Variants in TCP11L2 observed in about 807,000 individuals in gnomAD.
TCP11L2 encodes the protein T-complex protein 11-like protein 2.
Under a neutral mutation model 50.7 loss-of-function variants are expected in TCP11L2, and 39 were observed. The observed-to-expected ratio is 0.77, with a 90% CI of 0.60 to 1.01. The LOEUF (loss-of-function observed/expected upper bound fraction) is 1.01, where lower values mean the gene tolerates loss of function less well. Among genes scored for constraint, TCP11L2 ranks in the 50% least tolerant of loss-of-function variants. The pLI, the probability that TCP11L2 is intolerant of heterozygous loss-of-function variation, is 0.00. For synonymous variants in TCP11L2, 192 were observed against 219.3 expected, an observed-to-expected ratio of 0.88 and a Z score of 1.10; for missense variants, 612 against 614.7, an observed-to-expected ratio of 1.00 and a Z score of 0.05.
Position 106,314,395 on chromosome 12 carries a change from G to A in TCP11L2, c.195G>A (p.Val65=). The A allele has an allele frequency of 1.9e-6, 3 of 1,612,918 alleles. No individual in the cohort carries two copies. The highest frequency in any genetic ancestry group is 1.3e-5 in the African/African-American group (1 of 75,030). Residue 65 remains valine (V), a synonymous_variant, in exon 3 of 10, where the codon GTG becomes GTA. Transcript: ENST00000299045. ...CAAGGGTTGTAACATTTGATGAAGTGATGGCTACAGCAAGGAACTTATCAA... is the reference window on the plus strand; with the variant it reads ...CAAGGGTTGTAACATTTGATGAAGTAATGGCTACAGCAAGGAACTTATCAA... The part of the protein sequence containing the change: ...SPPRVVTFDE[V]MATARNLSNL...
intron 2 of TCP11L2, chr12:106,312,256 CATTTTTTTT>C: frequency 8.9e-5 from 28 of 313,148 alleles, no homozygotes; most frequent in Non-Finnish European, 1.1e-4. Flanking sequence ...ATTTAGTTTC[CATTTTTTTT>C]TTTTTTTTTT....
At chr12:106,313,667 A>G (rs1427095271) in intron 2 of TCP11L2, among the ~76,000 whole-genome samples, 1 of 151,576 alleles carries the variant, frequency 6.6e-6, no homozygotes. Flanking sequence ...ACTTAATGAG[A>G]CTTCTGAATT....
chr12:106,336,335 T>C, intron 8 of TCP11L2, 122 bp downstream of exon 8: 2 of 858,414 alleles, frequency 2.3e-6, no homozygotes, highest in Non-Finnish European at 3.4e-6. Context: ...GAGAAGCTTA[T>C]CTTACACCTT....
intron 3 of TCP11L2, among the ~76,000 whole-genome samples, chr12:106,315,096 A>G (rs1168461730): frequency 3.3e-5 from 5 of 151,768 alleles, no homozygotes; most frequent in Admixed American, 2.6e-4. Flanking sequence ...TTAGCCGGCC[A>G]TGGTGGTGGG....
In TCP11L2 at chr12:106,310,980, C is replaced by T. The variant is rs1229333461; in HGVS notation, c.-35-61C>T. 5.7e-6 allele frequency: 8 copies of T among 1,411,560 alleles called. No individual in the cohort carries two copies. In the Admixed American group the frequency reaches 1.5e-4, roughly 26 times the overall value. 87.4% of individuals were successfully genotyped at this position (1,411,560 alleles called of 1,614,324 possible). ...GGACAGTTGTCTACACTGGAAGAAG[C>T]ATTGGTGGTGCCTGTGGAAGTACCA... On this transcript the variant is annotated intron_variant, in intron 1 of 9. Transcript: ENST00000299045.
At chr12:106,331,460 T>C (rs2136773610) in intron 6 of TCP11L2, among the ~76,000 whole-genome samples, 1 of 152,320 alleles carries the variant, frequency 6.6e-6, no homozygotes, top group Non-Finnish European at 1.5e-5. Context: ...AGGCAGCTGT[T>C]GTGTATCAGG....
chr12:106,335,555 C>T, intron 6 of TCP11L2, 84 bp from the exon 7 acceptor site: 5 of 1,425,860 alleles, frequency 3.5e-6, no homozygotes, highest in Non-Finnish European at 4.8e-6. Flanking sequence ...ATGCCCAGCA[C>T]CCAACACAGC....
At chr12:106,315,489 C>CTATGTCTGTATTGTTTGTTGCTGT (rs2035041953) in intron 3 of TCP11L2, among the ~76,000 whole-genome samples, 1 of 152,196 alleles carries the variant, frequency 6.6e-6, no homozygotes, top group African/African-American at 2.4e-5. Context: ...TATGGAGGAG[C>CTATGTCTGTATTGTTTGTTGCTGT]TATGTCTGTA....
chr12:106,307,415 G>A (rs1182986374), intron 1 of TCP11L2: 1 of 152,182 alleles, frequency 6.6e-6, no homozygotes, highest in African/African-American at 2.4e-5. Context: ...TGATTTACTT[G>A]TGAGTTGCAG....
chr12:106,323,570 T>C lies in TCP11L2; in HGVS notation c.696T>C (p.Ser232=). ...ACATGGCCAATTTTACAATTATGAGTCTCAGACCGCACCTTCAACGCCAGT... is the reference window on the plus strand; with the variant it reads ...ACATGGCCAATTTTACAATTATGAGCCTCAGACCGCACCTTCAACGCCAGT... ...QMDMANFTIM[S]LRPHLQRQLV... is the part of the protein sequence containing the mutation. The change falls in exon 6 of 10, where the codon AGT becomes AGC. Residue 232 remains serine, a synonymous_variant. Transcript: ENST00000299045. The C allele has an allele frequency of 6.2e-7, 1 of 1,609,316 alleles. No homozygotes were observed. Among genetic ancestry groups the C allele is most frequent in the Non-Finnish European group, 8.5e-7 (1 of 1,177,964 alleles).
chr12:106,305,488 T>TGGTGCTGGGAGAC (rs2034591112), intron 1 of TCP11L2, among the ~76,000 whole-genome samples: 1 of 152,172 alleles, frequency 6.6e-6, no homozygotes, highest in South Asian at 2.1e-4. Context: ...GCTTAAAATC[T>TGGTGCTGGGAGAC]AGTGGGAGAC....
At chr12:106,302,253 C>T (rs1052182998), upstream of TCP11L2, among the ~76,000 whole-genome samples, 4 of 151,964 alleles carry the variant, frequency 2.6e-5, no homozygotes, top group Admixed American at 1.3e-4. Context: ...GGGATCTGTC[C>T]GGCACTCCAC....
chr12:106,300,797 CA>C (rs909399418), upstream of TCP11L2, among the ~76,000 whole-genome samples: 3 of 152,320 alleles, frequency 2.0e-5, no homozygotes, highest in African/African-American at 7.2e-5. Context: ...CTTGCTTTGA[CA>C]AAAGCTGCTT....
intron 6 of TCP11L2, among the ~76,000 whole-genome samples, chr12:106,329,051 G>A (rs1481134800): frequency 6.6e-6 from 1 of 151,900 alleles, no homozygotes; most frequent in African/African-American, 2.4e-5. Context: ...AGCACCAAAA[G>A]AAGGGAAAGT....
chr12:106,321,632 A>T lies in TCP11L2; in HGVS notation c.561A>T (p.Gly187=). ...GLANYVISTM[G]KLCAPVRDND... ...CCAACTATGTCATCAGTACGATGGG[A>T]AAGCTGTGTGCTCCCGTGCGAGATA... The change falls in exon 5 of 10, where the codon GGA becomes GGT. Residue 187 remains glycine, a synonymous_variant. Coordinates refer to ENST00000299045, the MANE Select transcript of TCP11L2 (RefSeq NM_152772.3). 2 of 1,614,216 alleles carry T rather than the reference A, an allele frequency of 1.2e-6. No homozygotes were observed. The highest frequency in any genetic ancestry group is 1.7e-6 in the Non-Finnish European group (2 of 1,180,048).
chr12:106,298,820 GC>G (rs2034378125), upstream of TCP11L2, among the ~76,000 whole-genome samples: 1 of 148,632 alleles, frequency 6.7e-6, no homozygotes, highest in Non-Finnish European at 1.5e-5. Context: ...ACCATGCCCG[GC>G]CATTTTTTTT....
upstream of TCP11L2, among the ~76,000 whole-genome samples, chr12:106,302,176 C>T (rs991346166): frequency 1.3e-5 from 2 of 152,126 alleles, no homozygotes; most frequent in Non-Finnish European, 2.9e-5. Flanking sequence ...GGTGTGCGGG[C>T]ACTCAATGTT....
upstream of TCP11L2, chr12:106,302,005 G>C (rs890526131): frequency 2.6e-5 from 4 of 152,270 alleles, no homozygotes; most frequent in African/African-American, 9.6e-5. Context: ...TGCAAATCTA[G>C]ACCCGTGTTT....
At chr12:106,327,829 T>C (rs2035612262) in intron 6 of TCP11L2, among the ~76,000 whole-genome samples, 1 of 152,224 alleles carries the variant, frequency 6.6e-6, no homozygotes, top group African/African-American at 2.4e-5. Flanking sequence ...TTATTTTGCC[T>C]AAGAGGAGAT....
Sources: allele counts gnomAD v4.1 joint callset (sites outside exome capture counted in the v4.1 genomes callset), GRCh38; gene constraint gnomAD v4.1.1; transcripts MANE v1.5; gene names NCBI Gene and HGNC (gene_info 2026-07-23, HGNC 2026-07-21).